Variants in DOCK10 observed in about 807,000 individuals in gnomAD.
The protein encoded by DOCK10 is dedicator of cytokinesis 10, also known as dedicator of cytokinesis protein 10.
DOCK10 carries 145 observed loss-of-function variants against 280.1 expected under a neutral mutation model. That is an observed-to-expected ratio of 0.52 (90% CI 0.45 to 0.59). The LOEUF is 0.59. Ranked by LOEUF, DOCK10 falls within the 20% of genes least tolerant of loss-of-function variation. The probability of loss-of-function intolerance (pLI) is 0.00; values close to 1 mark genes in which losing one functional copy is unlikely to be tolerated. For synonymous variants in DOCK10, 915 were observed against 942.2 expected, an observed-to-expected ratio of 0.97 and a Z score of 0.53; for missense variants, 2,368 against 2,651.7, an observed-to-expected ratio of 0.89 and a Z score of 2.35.
Position 224,970,351 on chromosome 2 carries a change from T to A in DOCK10, c.124-38683A>T, listed in dbSNP as rs73081885. ...TCATCACCAACAGCTTTGTGAGGAA[T>A]CCCCACCATGCTGCAAATAAGGACA... On this transcript the variant is annotated intron_variant, in intron 1 of 55. Transcript: ENST00000258390. The surrounding 1 kb of genome is among the most constrained non-coding windows in gnomAD (Gnocchi z 4.6). Among the ~76,000 whole-genome samples, 3,880 of 152,246 alleles carry A rather than the reference T, an allele frequency of 0.025. 151 individuals are homozygous for A. Among genetic ancestry groups the A allele is most frequent in the African/African-American group, 0.088 (3,643 of 41,528 alleles).
intron 1 of DOCK10, among the ~76,000 whole-genome samples, chr2:225,013,190 C>T (rs1689491846): frequency 6.6e-6 from 1 of 152,142 alleles, no homozygotes; most frequent in Non-Finnish European, 1.5e-5. Context: ...AGGGAGATTG[C>T]ACAAATCATT....
At chr2:224,794,037 C>T (rs1182394265) in intron 45 of DOCK10, among the ~76,000 whole-genome samples, 2 of 152,164 alleles carry the variant, frequency 1.3e-5, no homozygotes, top group African/African-American at 2.4e-5. Context: ...TATTAAAACT[C>T]GACTTGCTAA....
intron 1 of DOCK10, among the ~76,000 whole-genome samples, chr2:224,935,472 T>C (rs543989750): frequency 1.3e-5 from 2 of 152,330 alleles, no homozygotes; most frequent in South Asian, 4.1e-4. Flanking sequence ...ATAGGTTTTC[T>C]ATGTTACGAT....
intron 1 of DOCK10, among the ~76,000 whole-genome samples, chr2:225,011,707 G>A (rs1417193755): frequency 6.6e-6 from 1 of 152,122 alleles, no homozygotes; most frequent in African/African-American, 2.4e-5. Flanking sequence ...AAGACGTTGG[G>A]GCTTGCAGGG....
chr2:224,868,547 C>T (rs1698071401), intron 11 of DOCK10, among the ~76,000 whole-genome samples: 1 of 152,122 alleles, frequency 6.6e-6, no homozygotes, highest in Non-Finnish European at 1.5e-5. Context: ...TACACAGACT[C>T]ACTCACACTG....
Position 224,855,027 on chromosome 2 carries a change from G to T in DOCK10, c.1824C>A (p.Ser608Arg). The T allele has an allele frequency of 1.3e-6, 2 of 1,594,504 alleles. No homozygotes were observed. Reference sequence around the variant, plus strand: ...GGCTTCCAGGAATGGTCTGCATTTTGCTTATTCTGTCGGCCCTGTAAGAGT... The same window carrying T: ...GGCTTCCAGGAATGGTCTGCATTTTTCTTATTCTGTCGGCCCTGTAAGAGT... The part of the protein sequence containing the change: ...VSDYRRADRI[S>R]KMQTIPGSLD... The change falls in exon 16 of 56, where the codon AGC (serine) becomes AGA (arginine). Residue 608 changes from serine to arginine, a missense_variant. By Grantham distance (110) the Ser-to-Arg change is moderately radical. This residue lies in a region of DOCK10 where 1,209 missense variants were observed against 1,250.9 expected (regional missense o/e 0.97). Coordinates refer to ENST00000258390, the MANE Select transcript of DOCK10 (RefSeq NM_014689.3).
chr2:224,935,848 A>T (rs1046095195), intron 1 of DOCK10, among the ~76,000 whole-genome samples: 2 of 152,216 alleles, frequency 1.3e-5, no homozygotes, highest in Non-Finnish European at 2.9e-5. Context: ...ATATTATTTC[A>T]TCCAGATCCA....
chr2:224,920,876 A>G (rs1420721576), intron 2 of DOCK10, among the ~76,000 whole-genome samples: 1 of 151,128 alleles, frequency 6.6e-6, no homozygotes, highest in Admixed American at 6.6e-5. Context: ...TGGCTCCATC[A>G]TATTTTGCAT....
intron 1 of DOCK10, among the ~76,000 whole-genome samples, chr2:224,952,518 A>T (rs1013830625): frequency 6.6e-6 from 1 of 152,222 alleles, no homozygotes; most frequent in African/African-American, 2.4e-5. Flanking sequence ...AGGAAGAAAA[A>T]TAATGGTGGA....
chr2:224,797,243 C>CTTT, intron 42 of DOCK10, 97 bp from the exon 43 acceptor site: 6 of 725,586 alleles, frequency 8.3e-6, no homozygotes, highest in Non-Finnish European at 1.1e-5. Context: ...AATCCCTCTC[C>CTTT]TTTTTTTTTT....
rs774907895 is a variant in DOCK10, at chr2:224,778,374, T to C, written c.5656-90A>G. 7.5e-6 allele frequency: 10 copies of C among 1,336,092 alleles called. No homozygotes were observed. The South Asian group carries it at 1.3e-4, about 17-fold the overall frequency. The allele number at this position is 1,336,092 out of a possible 1,614,324, so 82.8% of individuals were successfully genotyped here. A position where few individuals can be genotyped will look rare whatever the true frequency, so the allele number is the denominator to read the frequency against. ...AAAAGCCATTTACTTAAAAAACATA[T>C]ACAGTTTTTGGTTGTCATCTAATCC... On this transcript the variant is annotated intron_variant, in intron 50 of 55. Transcript: ENST00000258390.
At chr2:224,897,236 T>G (rs905604175) in intron 3 of DOCK10, among the ~76,000 whole-genome samples, 1 of 152,334 alleles carries the variant, frequency 6.6e-6, no homozygotes, top group South Asian at 2.1e-4. Context: ...TCTGTGATTA[T>G]TCATAGTTCT....
chr2:224,796,210 T>G (rs1165764536), intron 44 of DOCK10, 106 bp downstream of exon 44: 1 of 754,826 alleles, frequency 1.3e-6, no homozygotes, highest in Non-Finnish European at 2.2e-6. Context: ...AATACAGGCG[T>G]GAACCACTGT....
intron 1 of DOCK10, among the ~76,000 whole-genome samples, chr2:225,001,705 A>G (rs190165077): frequency 6.6e-6 from 1 of 152,328 alleles, no homozygotes; most frequent in East Asian, 1.9e-4. Flanking sequence ...ATAAACAACA[A>G]AAATTAATTT....
chr2:224,873,917 G>T, intron 11 of DOCK10, 79 bp downstream of exon 11: 3 of 1,432,010 alleles, frequency 2.1e-6, no homozygotes, highest in Non-Finnish European at 2.8e-6. Flanking sequence ...CCTGGAATTA[G>T]CAGGAATAGA....
intron 47 of DOCK10, 96 bp downstream of exon 47, chr2:224,792,878 T>C (rs1692295895): frequency 2.1e-6 from 2 of 948,592 alleles, no homozygotes; most frequent in South Asian, 1.8e-5. Context: ...AGTTTTTGCT[T>C]CTAAGAATAT....
chr2:224,917,269 C>A (rs1024601336), intron 2 of DOCK10, among the ~76,000 whole-genome samples: 1 of 151,806 alleles, frequency 6.6e-6, no homozygotes, highest in African/African-American at 2.4e-5. Context: ...CCACCCCCAG[C>A]TAATTTTTGT....
At chr2:224,916,540 CAAAAA>C (rs35956360) in intron 3 of DOCK10, among the ~76,000 whole-genome samples, 150 bp downstream of exon 3, 2 of 110,938 alleles carry the variant, frequency 1.8e-5, no homozygotes, top group African/African-American at 3.8e-5. Flanking sequence ...CACCCTCCCT[CAAAAA>C]AAAAAAAAAA....
rs1401723327 is a variant in DOCK10 at position 225,042,141 on chromosome 2, G to A, written c.123+111C>T. On this transcript the variant is annotated intron_variant, in intron 1 of 55. Transcript: ENST00000258390. This position sits in a 1 kb window ranked among gnomAD's most constrained non-coding sequence, Gnocchi z 5.1. The stretch of plus-strand genomic sequence containing the variant: ...GCGGGGGAGGGAGTGCGGAGGAGAG[G>A]ACCCGTGAGCTGCGGGGACCTGGGC... 2 of 1,149,506 alleles carry A rather than the reference G, an allele frequency of 1.7e-6. No individual in the cohort carries two copies. The highest frequency in any genetic ancestry group is 1.6e-5 in the African/African-American group (1 of 62,196). The allele number at this position is 1,149,506 out of a possible 1,614,324, so 71.2% of individuals were successfully genotyped here.
Sources: gnomAD v4.1 joint callset for allele counts (sites outside exome capture counted in the v4.1 genomes callset) on GRCh38, gnomAD v4.1.1 for gene constraint, gnomAD v4.1.1 regional missense constraint, Gnocchi (gnomAD v3.1) non-coding constraint, MANE v1.5 for transcripts, NCBI Gene and HGNC (gene_info 2026-07-23, HGNC 2026-07-21) for gene names.